The following UGT2B4 variants were observed in gnomAD, a reference collection of about 807,000 sequenced individuals.
UGT2B4 encodes the protein UDP glucuronosyltransferase family 2 member B4.
A neutral mutation model predicts 49.8 loss-of-function variants in UGT2B4; 49 were observed. The observed-to-expected ratio is 0.98, with a 90% confidence interval of 0.78 to 1.25. The LOEUF (loss-of-function observed/expected upper bound fraction) is 1.25. Among genes scored for constraint, UGT2B4 ranks in the 50% most tolerant of loss-of-function variants. UGT2B4 has a pLI of 0.00. For synonymous variants in UGT2B4, 246 were observed against 217.7 expected (o/e 1.13, Z -1.14); for missense variants, 729 against 627.7 (o/e 1.16, Z -1.73).
intron 5 of UGT2B4, among the ~76,000 whole-genome samples, chr4:69,484,630 G>A (rs1348310915): frequency 2.0e-5 from 3 of 152,050 alleles, no homozygotes; most frequent in African/African-American, 7.2e-5. Context: ...AGGGCTAAGG[G>A]GTCATGCAGA....
At chr4:69,499,131 A>C (rs769701359), upstream of UGT2B4, among the ~76,000 whole-genome samples, 1 of 152,212 alleles carries the variant, frequency 6.6e-6, no homozygotes, top group Non-Finnish European at 1.5e-5. Flanking sequence ...CTCAGGAGTC[A>C]TTCAAGAGCA....
chr4:69,495,797 C>A lies in UGT2B4; in HGVS notation c.65G>T (p.Ser22Ile). ...IQLSCYFSSG[S>I]CGKVLVWPTE... ...GGGCCACACCAGCACCTTTCCACAA[C>A]TCCCAGAGCTAAAGTAACAGCTCAG... The change falls in exon 1 of 6, where the codon AGT becomes ATT. Residue 22 changes from serine to isoleucine, a missense_variant. Coordinates refer to ENST00000305107, the MANE Select transcript of UGT2B4 (RefSeq NM_021139.3). 1 of 1,613,444 alleles carries A rather than the reference C, an allele frequency of 6.2e-7. No homozygotes were observed.
chr4:69,501,294 C>T (rs1392029682), intron 1 of UGT2B4, among the ~76,000 whole-genome samples: 3 of 152,114 alleles, frequency 2.0e-5, no homozygotes, highest in African/African-American at 4.8e-5. Context: ...TCTACTCTAC[C>T]TAAACTTGGC....
exon 1 of UGT2B4, chr4:69,525,735 T>C: frequency 7.8e-7 from 1 of 1,274,728 alleles, no homozygotes; most frequent in South Asian, 1.3e-5. Context: ...AACATTATGA[T>C]GTAGTCCCTG....
rs777168447 is a variant in UGT2B4 at position 69,493,846 on chromosome 4, T to TG, written c.722-6dup. ...CAGATAACGTAGTGGGTCTTCCTGA[T>TG]GGGGGAAAAAAAAAGAAAAGATAGA... On this transcript the variant is annotated splice_polypyrimidine_tract_variant and splice_region_variant and intron_variant, in intron 1 of 5. Transcript: ENST00000305107. The TG allele has an allele frequency of 3.3e-5, 52 of 1,577,262 alleles. No individual in the cohort carries two copies. Among genetic ancestry groups the TG allele is most frequent in the Admixed American group, 5.8e-5 (3 of 51,462 alleles).
intron 2 of UGT2B4, among the ~76,000 whole-genome samples, chr4:69,493,406 T>A (rs1387258663): frequency 6.6e-6 from 1 of 152,184 alleles, no homozygotes; most frequent in Non-Finnish European, 1.5e-5. Flanking sequence ...AATCTCTTTA[T>A]AAATATTCTT....
intron 1 of UGT2B4, among the ~76,000 whole-genome samples, chr4:69,494,660 T>C (rs1728089482): frequency 6.6e-6 from 1 of 152,134 alleles, no homozygotes; most frequent in African/African-American, 2.4e-5. Flanking sequence ...TTCTCTCAAC[T>C]GTGGAGGAAA....
chr4:69,495,014 A>T, intron 1 of UGT2B4, 127 bp downstream of exon 1: 2 of 883,416 alleles, frequency 2.3e-6, no homozygotes, highest in Non-Finnish European at 3.2e-6. Flanking sequence ...AGATCATCTT[A>T]CAATTTCATT....
chr4:69,488,185 T>A (rs963222138), intron 3 of UGT2B4, among the ~76,000 whole-genome samples: 6 of 152,208 alleles, frequency 3.9e-5, no homozygotes, highest in African/African-American at 1.4e-4. Flanking sequence ...GGATATTTTG[T>A]CAATGTAGAA....
chr4:69,509,709 T>G (rs561059571), intron 1 of UGT2B4, among the ~76,000 whole-genome samples: 2 of 152,306 alleles, frequency 1.3e-5, no homozygotes, highest in East Asian at 1.9e-4. Context: ...TTTCTTTTTT[T>G]GCTTTTTGTT....
chr4:69,521,348 C>T (rs12643318), intron 1 of UGT2B4, among the ~76,000 whole-genome samples: 3 of 151,976 alleles, frequency 2.0e-5, no homozygotes, highest in Non-Finnish European at 2.9e-5. Context: ...CAGCCAGGGA[C>T]GTGACAACCT....
intron 1 of UGT2B4, among the ~76,000 whole-genome samples, chr4:69,525,019 CAG>C (rs1373204769): frequency 6.6e-6 from 1 of 152,066 alleles, no homozygotes; most frequent in Non-Finnish European, 1.5e-5. Context: ...AATTGTGTGC[CAG>C]AGATTATTTT....
chr4:69,491,855 G>A (rs534324502), intron 2 of UGT2B4, among the ~76,000 whole-genome samples: 2 of 152,008 alleles, frequency 1.3e-5, no homozygotes, highest in East Asian at 3.9e-4. Context: ...ACCATATAAA[G>A]CCCATACAAT....
At chr4:69,522,495 TAGAG>T (rs1334059128) in intron 1 of UGT2B4, among the ~76,000 whole-genome samples, 2 of 152,212 alleles carry the variant, frequency 1.3e-5, no homozygotes, top group Admixed American at 6.5e-5. Context: ...TTTACAGTAT[TAGAG>T]AGTCTATTAA....
chr4:69,523,550 A>AT (rs150970444), intron 1 of UGT2B4, among the ~76,000 whole-genome samples: 53,336 of 151,818 alleles, frequency 0.35, 9,456 homozygotes, highest in Non-Finnish European at 0.37. Context: ...CTATAAACGG[A>AT]GTGCTGTCAT....
rs1728120654 is a variant in UGT2B4 at position 69,495,338 on chromosome 4, G to A, written c.524C>T (p.Ser175Phe). The A allele has an allele frequency of 1.2e-6, 2 of 1,613,172 alleles. No homozygotes were observed. The highest frequency in any genetic ancestry group is 8.5e-7 in the Non-Finnish European group (1 of 1,179,766). Reference protein sequence around the residue: ...KIPFVYSLRFSPGYAIEKHSG... With the variant: ...KIPFVYSLRFFPGYAIEKHSG... ...ATGCTTTTCAATTGCGTAGCCAGGA[G>A]AGAAGCGGAGGCTGTAGACAAAGGG... Residue 175 changes from serine (S) to phenylalanine (F), a missense_variant, in exon 1 of 6, where the codon TCT becomes TTT. Physicochemically the swap from Ser to Phe is radical, Grantham distance 155 (BLOSUM62 -2). Coordinates refer to ENST00000305107, the MANE Select transcript of UGT2B4 (RefSeq NM_021139.3).
intron 2 of UGT2B4, 90 bp downstream of exon 2, chr4:69,493,603 T>G: frequency 6.9e-7 from 1 of 1,441,286 alleles, no homozygotes; most frequent in Non-Finnish European, 9.2e-7. Context: ...ACTTCCACCT[T>G]TCTTCCAGTG....
rs1184122572 is a variant in UGT2B4, at chr4:69,493,775, T to G, written c.788A>C (p.Asp263Ala). ...ADIWLIRNYW[D>A]FQFPHPLLPN... ...TAAGAGTGGGTGAGGAAATTGAAAA[T>G]CCCAGTAGTTTCGAATAAGCCATAT... The change falls in exon 2 of 6, where the codon GAT becomes GCT. Residue 263 changes from aspartate to alanine, a missense_variant. Asp to Ala is a moderately radical substitution (Grantham distance 126, BLOSUM62 -2). Transcript: ENST00000305107. 1 of 1,611,308 alleles carries G rather than the reference T, an allele frequency of 6.2e-7. No homozygotes were observed. Among genetic ancestry groups the G allele is most frequent in the East Asian group, 2.2e-5 (1 of 44,656 alleles).
chr4:69,525,615 T>C, intron 1 of UGT2B4: 2 of 972,348 alleles, frequency 2.1e-6, no homozygotes, highest in African/African-American at 1.8e-5. Context: ...GACAATAGAT[T>C]ATCTACTCAG....
Sources: allele counts gnomAD v4.1 joint callset (sites outside exome capture counted in the v4.1 genomes callset), GRCh38; gene constraint gnomAD v4.1.1; transcripts MANE v1.5; gene names NCBI Gene and HGNC (gene_info 2026-07-23, HGNC 2026-07-21).